The following TMC4 variants were observed in gnomAD, a reference collection of about 807,000 sequenced individuals.
TMC4 encodes the protein transmembrane channel like 4.
In TMC4, 70 loss-of-function variants were observed where a neutral mutation model predicts 82.0. The ratio of observed to expected loss-of-function variants is 0.85; its 90% confidence interval spans 0.70 to 1.04. The LOEUF (loss-of-function observed/expected upper bound fraction) is 1.04. Ranked by LOEUF, TMC4 falls within the 50% of genes least tolerant of loss-of-function variation. The pLI is 0.00. For synonymous variants in TMC4, 446 were observed against 406.0 expected (o/e 1.10, Z -1.18); for missense variants, 879 against 899.0 (o/e 0.98, Z 0.28).
In TMC4 at chr19:54,160,195, T is replaced by C; in HGVS notation, c.*111A>G. ...GCGAGGGGCCCTGGAAATCTCCAGA[T>C]ACCAAAGCTGGAAGGGCGTGGAGTC... On this transcript the variant is annotated 3_prime_UTR_variant, in exon 15 of 15. Coordinates refer to ENST00000619895, the MANE Select transcript of TMC4 (RefSeq NM_144686.4). 1 of 1,230,510 alleles carries C rather than the reference T, an allele frequency of 8.1e-7. No individual in the cohort carries two copies. The highest frequency in any genetic ancestry group is 1.1e-6 in the Non-Finnish European group (1 of 906,716). 76.2% of individuals were successfully genotyped at this position (1,230,510 alleles called of 1,614,324 possible).
intron 3 of TMC4, 113 bp downstream of exon 3, chr19:54,169,399 T>A: frequency 7.2e-7 from 1 of 1,395,138 alleles, no homozygotes; most frequent in Non-Finnish European, 9.5e-7. Flanking sequence ...GACCCAAAAA[T>A]CCAGGCCCAA....
chr19:54,165,350 C>G (rs563991786), intron 6 of TMC4, 69 bp downstream of exon 6: 1 of 1,483,162 alleles, frequency 6.7e-7, no homozygotes, highest in East Asian at 2.3e-5. Flanking sequence ...CGAGTTAGGC[C>G]CTGTGCGTTA....
Position 54,168,631 on chromosome 19 carries a change from C to A in TMC4, c.492G>T (p.Leu164=). The change falls in exon 4 of 15, where the codon CTG becomes CTT. Residue 164 remains leucine (L), a synonymous_variant. Coordinates refer to ENST00000619895, the MANE Select transcript of TMC4 (RefSeq NM_144686.4). ...CAGAGGCCAGCACGTTAAGAAGGAG[C>A]AGGAAGCGCAGCAGGGAGAAGTAGG... The part of the protein sequence containing the change: ...TESYFSLLRF[L]LLLNVLASVL... The A allele has an allele frequency of 6.3e-7, 1 of 1,590,332 alleles. No individual in the cohort carries two copies. Among genetic ancestry groups the A allele is most frequent in the Admixed American group, 1.8e-5 (1 of 56,438 alleles).
At chr19:54,168,788 C>T (rs1422959116) in intron 3 of TMC4, 108 bp from the exon 4 acceptor site, 1 of 283,138 alleles carries the variant, frequency 3.5e-6, no homozygotes, top group Non-Finnish European at 5.7e-6. Flanking sequence ...TCTTTCTTTT[C>T]TTTTCTTTCT....
At chr19:54,165,285 G>T in intron 6 of TMC4, 134 bp downstream of exon 6, 1 of 1,064,480 alleles carries the variant, frequency 9.4e-7, no homozygotes, top group Non-Finnish European at 1.3e-6. Context: ...CATTCCCCAG[G>T]ACCTGCCTTT....
rs918176044 is a variant in TMC4, at chr19:54,161,138, G to A, written c.1809C>T (p.Ser603=). 1.3e-6 allele frequency: 2 copies of A among 1,583,828 alleles called. No homozygotes were observed. The highest frequency in any genetic ancestry group is 1.7e-6 in the Non-Finnish European group (2 of 1,167,284). ...LAISSVPLLY[S]IFLIPPSKLC... ...GAGCCTCTCGCACTTACAGGAAGAT[G>A]CTGTAAAGCAGGGGAACGCTGGAGA... Residue 603 remains serine, a synonymous_variant, in exon 12 of 15, where the codon AGC becomes AGT. Coordinates refer to ENST00000619895, the MANE Select transcript of TMC4 (RefSeq NM_144686.4).
rs1410173711 is a variant in TMC4 at position 54,168,449 on chromosome 19, T to G, written c.674A>C (p.Glu225Ala). 6 of 1,542,160 alleles carry G rather than the reference T, an allele frequency of 3.9e-6. No individual in the cohort carries two copies. Among genetic ancestry groups the G allele is most frequent in the Non-Finnish European group, 4.4e-6 (5 of 1,142,898 alleles). Residue 225 changes from glutamate to alanine, a missense_variant and splice_region_variant, in exon 4 of 15, where the codon GAG becomes GCG. Coordinates refer to ENST00000619895, the MANE Select transcript of TMC4 (RefSeq NM_144686.4). ...ATQLFNLLSGEGYLEWSPLFY... is the reference protein window; with the variant it reads ...ATQLFNLLSGAGYLEWSPLFY... The stretch of plus-strand genomic sequence containing the variant: ...TCCCCCAGGGACCCAGGCACCTACC[T>G]CACCCGAGAGCAAGTTGAAGAGCTG...
At chr19:54,166,084 A>G (rs2075695625) in intron 5 of TMC4, among the ~76,000 whole-genome samples, 1 of 152,078 alleles carries the variant, frequency 6.6e-6, no homozygotes, top group East Asian at 1.9e-4. Context: ...GTAAAGACTC[A>G]AGAGAGGGGG....
At position 54,168,479 on chromosome 19, in the gene TMC4, G is replaced by C. The variant is rs1320533746; in HGVS notation, c.644C>G (p.Ala215Gly). Residue 215 changes from alanine to glycine, a missense_variant, in exon 4 of 15, where the codon GCC (alanine) becomes GGC (glycine). Transcript: ENST00000619895. ...NPHSQGLVTF[A>G]TQLFNLLSGE... ...CGAGAGCAAGTTGAAGAGCTGGGTGGCAAAGGTGACCAGGCCCTGGGAGTG... is the reference window on the plus strand; with the variant it reads ...CGAGAGCAAGTTGAAGAGCTGGGTGCCAAAGGTGACCAGGCCCTGGGAGTG... The C allele has an allele frequency of 5.8e-6, 9 of 1,546,542 alleles. No homozygotes were observed. The Admixed American group carries it at 1.6e-4, about 27-fold the overall frequency.
intron 3 of TMC4, among the ~76,000 whole-genome samples, 187 bp from the exon 4 acceptor site, chr19:54,168,867 CTTTTCT>C (rs2075790335): frequency 3.3e-5 from 1 of 30,538 alleles, no homozygotes. Context: ...CTTTTCTTTT[CTTTTCT>C]TTTCTTTTCT....
chr19:54,161,381 C>G, intron 11 of TMC4, 121 bp from the exon 12 acceptor site: 1 of 1,163,910 alleles, frequency 8.6e-7, no homozygotes, highest in Non-Finnish European at 1.1e-6. Flanking sequence ...TTTTTTGAGA[C>G]AGAGTCTCGC....
At chr19:54,170,289 C>G (rs2075852201) in intron 2 of TMC4, among the ~76,000 whole-genome samples, 1 of 148,340 alleles carries the variant, frequency 6.7e-6, no homozygotes, top group Non-Finnish European at 1.5e-5. Context: ...TGAGCTGAGA[C>G]TGCACCACTG....
Position 54,160,300 on chromosome 19 carries a change from C to CG in TMC4, c.*5dup, listed in dbSNP as rs773122914. 297 of 1,514,898 alleles carry CG rather than the reference C, an allele frequency of 2.0e-4. No homozygotes were observed. Among genetic ancestry groups the CG allele is most frequent in the Non-Finnish European group, 2.5e-4 (281 of 1,132,736 alleles). 93.8% of individuals were successfully genotyped at this position (1,514,898 alleles called of 1,614,324 possible). On this transcript the variant is annotated 3_prime_UTR_variant, in exon 15 of 15. Transcript: ENST00000619895. ...GGGTCTGAAAGCGGGACGTGGGCTG[C>CG]GGGGGTCAAAGAGCCGGTTTGGTGG...
chr19:54,167,977 C>T (rs1157492902), intron 5 of TMC4, among the ~76,000 whole-genome samples, 194 bp downstream of exon 5: 1 of 151,742 alleles, frequency 6.6e-6, no homozygotes, highest in Non-Finnish European at 1.5e-5. Context: ...GCAGGAGAAT[C>T]GCTTGAAACC....
Position 54,165,573 on chromosome 19 carries a change from GGGGAGACCC to G in TMC4, c.798-16_798-8del. ...CTTCAGCCCAGACACCGAGCTGAGA[GGGGAGACCC>G]GGGAGACGGGAAGTGAAAGGACAGC... On this transcript the variant is annotated splice_region_variant and splice_polypyrimidine_tract_variant and intron_variant, in intron 5 of 14. Coordinates refer to ENST00000619895, the MANE Select transcript of TMC4 (RefSeq NM_144686.4). 6.3e-7 allele frequency: 1 copy of G among 1,593,474 alleles called. No individual in the cohort carries two copies. Among genetic ancestry groups the G allele is most frequent in the South Asian group, 1.1e-5 (1 of 90,546 alleles).
Position 54,165,493 on chromosome 19 carries a change from A to G in TMC4, c.871T>C (p.Ser291Pro). The G allele has an allele frequency of 3.1e-6, 5 of 1,613,138 alleles. No individual in the cohort carries two copies. Among genetic ancestry groups the G allele is most frequent in the Non-Finnish European group, 4.2e-6 (5 of 1,179,568 alleles). The change falls in exon 6 of 15, where the codon TCG becomes CCG. Residue 291 changes from serine (S) to proline (P), a missense_variant. Ser to Pro is a moderately conservative substitution (Grantham distance 74). Coordinates refer to ENST00000619895, the MANE Select transcript of TMC4 (RefSeq NM_144686.4). The part of the protein sequence containing the change: ...ALTSYSHRVF[S>P]AWDFGLCGDV... ...CCGCAGAGACCGAAGTCCCAGGCCG[A>G]GAACACCCGGTGGCTGTAGCTGGTC... is the stretch of plus-strand genomic sequence containing the variant.
chr19:54,168,503 TG>T lies in TMC4; in HGVS notation c.619del (p.His207ThrfsTer65). ...GGCAAAGGTGACCAGGCCCTGGGAG[TG>T]GGGGTTATAGGAGCCGCAGGGCGAG... The part of the protein sequence containing the change: ...ISSPCGSYNP[H>X]SQGLVTFATQ... On this transcript the variant is annotated frameshift_variant, in exon 4 of 15. Coordinates refer to ENST00000619895, the MANE Select transcript of TMC4 (RefSeq NM_144686.4). LOFTEE classifies it high-confidence loss of function. The T allele has an allele frequency of 1.3e-6, 2 of 1,544,034 alleles. No homozygotes were observed. Among genetic ancestry groups the T allele is most frequent in the Non-Finnish European group, 8.7e-7 (1 of 1,144,466 alleles).
At position 54,161,156 on chromosome 19, in the gene TMC4, G is replaced by T. The variant is rs765431768; in HGVS notation, c.1791C>A (p.Ser597Arg). The T allele has an allele frequency of 1.9e-6, 3 of 1,588,562 alleles. No individual in the cohort carries two copies. Among genetic ancestry groups the T allele is most frequent in the African/African-American group, 1.4e-5 (1 of 73,268 alleles). Reference protein sequence around the residue: ...LVLLLGLAISSVPLLYSIFLI... With the variant: ...LVLLLGLAISRVPLLYSIFLI... Reference sequence around the variant, plus strand: ...GGAAGATGCTGTAAAGCAGGGGAACGCTGGAGATGGCCAGACCCAGGAGAA... The same window carrying T: ...GGAAGATGCTGTAAAGCAGGGGAACTCTGGAGATGGCCAGACCCAGGAGAA... The change falls in exon 12 of 15, where the codon AGC (serine) becomes AGA (arginine). Residue 597 changes from serine (S) to arginine (R), a missense_variant. By Grantham distance (110) the Ser-to-Arg change is moderately radical. Coordinates refer to ENST00000619895, the MANE Select transcript of TMC4 (RefSeq NM_144686.4).
In TMC4 at chr19:54,172,120, C is replaced by G. The variant is rs542561039; in HGVS notation, c.80-37G>C. The G allele has an allele frequency of 8.1e-6, 12 of 1,486,678 alleles. No individual in the cohort carries two copies. The African/African-American group carries it at 1.6e-4, about 19-fold the overall frequency. 92.1% of individuals were successfully genotyped at this position (1,486,678 alleles called of 1,614,324 possible). A position where few individuals can be genotyped will look rare whatever the true frequency, so the allele number is the denominator to read the frequency against. ...CAGGGGGCTGGGAAGACCCGGGAGT[C>G]TGGGCCCTAATTCCTCCTCCCTCAG... On this transcript the variant is annotated intron_variant, in intron 1 of 14. Coordinates refer to ENST00000619895, the MANE Select transcript of TMC4 (RefSeq NM_144686.4).
Sources: allele counts gnomAD v4.1 joint callset (sites outside exome capture counted in the v4.1 genomes callset), GRCh38; gene constraint gnomAD v4.1.1; transcripts MANE v1.5; gene names NCBI Gene and HGNC (gene_info 2026-07-23, HGNC 2026-07-21).